Variants in NRDC observed in about 807,000 individuals in gnomAD.
NRDC encodes nardilysin.
NRDC carries 54 observed loss-of-function variants against 147.1 expected under a neutral mutation model. That is an observed-to-expected ratio of 0.37 (90% CI 0.29 to 0.46). The LOEUF is 0.46. NRDC is among the 20% of genes least tolerant of loss of function. NRDC has a pLI of 1.00. For missense variants in NRDC, 1,082 were observed against 1,370.6 expected, an observed-to-expected ratio of 0.79 and a Z score of 3.33; for synonymous variants, 440 against 482.1, an observed-to-expected ratio of 0.91 and a Z score of 1.14.
intron 1 of NRDC, among the ~76,000 whole-genome samples, chr1:51,843,484 C>A (rs1681376092): frequency 6.6e-6 from 1 of 152,116 alleles, no homozygotes; most frequent in Non-Finnish European, 1.5e-5. Context: ...AGTTGCTGCC[C>A]CTACAGACTC....
intron 16 of NRDC, among the ~76,000 whole-genome samples, chr1:51,809,909 A>C (rs1169293833): frequency 6.6e-6 from 1 of 151,946 alleles, no homozygotes; most frequent in Non-Finnish European, 1.5e-5. Context: ...CTGTCTCAAA[A>C]AAAAAAAAGA....
chr1:51,865,310 G>GT (rs200973191), intron 1 of NRDC, among the ~76,000 whole-genome samples: 3,329 of 142,874 alleles, frequency 0.023, 53 homozygotes, highest in African/African-American at 0.041. Context: ...TTTTCGTTTT[G>GT]TTTTTTTTTT....
At chr1:51,796,250 T>A (rs1678901710) in intron 22 of NRDC, among the ~76,000 whole-genome samples, 1 of 151,882 alleles carries the variant, frequency 6.6e-6, no homozygotes, top group Non-Finnish European at 1.5e-5. Context: ...AACTCTTTTT[T>A]TTTTTTGAGA....
chr1:51,856,443 G>A (rs1157606889), intron 1 of NRDC, among the ~76,000 whole-genome samples: 1 of 152,120 alleles, frequency 6.6e-6, no homozygotes, highest in Non-Finnish European at 1.5e-5. Context: ...CTGACTTACC[G>A]GCTTTCAAGT....
chr1:51,836,707 T>C (rs1373769796), intron 2 of NRDC, among the ~76,000 whole-genome samples: 2 of 152,138 alleles, frequency 1.3e-5, no homozygotes, highest in Non-Finnish European at 1.5e-5. Flanking sequence ...TAGAATAAGA[T>C]AACATTTTAG....
At chr1:51,837,738 A>C (rs1262018901) in intron 2 of NRDC, 3 of 713,860 alleles carry the variant, frequency 4.2e-6, no homozygotes, top group Non-Finnish European at 5.9e-6. Flanking sequence ...TGTATATCAT[A>C]TTCAAATTTC....
At chr1:51,845,379 G>C (rs1681502811) in intron 1 of NRDC, among the ~76,000 whole-genome samples, 1 of 152,140 alleles carries the variant, frequency 6.6e-6, no homozygotes, top group Non-Finnish European at 1.5e-5. Flanking sequence ...GATCACTTGA[G>C]GTCGGGAGTT....
rs1254979524 is a variant in NRDC, at chr1:51,828,745, G to A, written c.867-876C>T. ...TTTTTTTTTTTTTTTTGGATATAGT[G>A]TCTCACTCTATCACTCAGGCTAGAA... On this transcript the variant is annotated intron_variant, in intron 4 of 30. Coordinates refer to ENST00000352171, the MANE Select transcript of NRDC (RefSeq NM_001101662.2). Among the ~76,000 whole-genome samples the A allele has an allele frequency of 2.4e-5, 3 of 124,376 alleles. No individual in the cohort carries two copies. In the Admixed American group the frequency reaches 2.9e-4, roughly 12 times the overall value. The allele number at this position is 124,376 out of a possible 152,430, so 81.6% of individuals were successfully genotyped here.
intron 1 of NRDC, among the ~76,000 whole-genome samples, chr1:51,874,549 C>A (rs1415612475): frequency 1.3e-5 from 2 of 151,798 alleles, no homozygotes; most frequent in Non-Finnish European, 2.9e-5. Context: ...GTCGAGGCTG[C>A]AGTGAGCCGT....
intron 9 of NRDC, among the ~76,000 whole-genome samples, chr1:51,818,782 CA>C (rs1318998984): frequency 6.6e-6 from 1 of 151,172 alleles, no homozygotes; most frequent in African/African-American, 2.4e-5. Flanking sequence ...TTAGTAAAAA[CA>C]GAAAAAAAAA....
chr1:51,869,175 CAT>C lies in NRDC; in HGVS notation c.341+9098_341+9099del, dbSNP rs1284628656. On this transcript the variant is annotated intron_variant, in intron 1 of 30. Coordinates refer to ENST00000352171, the MANE Select transcript of NRDC (RefSeq NM_001101662.2). ...TTGTTACCCAGGCTGGCCTCAAACT[CAT>C]GATCTCCAGCGATCCTCCTGCCTTG... Among the ~76,000 whole-genome samples, 6 of 152,214 alleles carry C rather than the reference CAT, an allele frequency of 3.9e-5. No homozygotes were observed. In the East Asian group the frequency reaches 1.2e-3, roughly 29 times the overall value.
At chr1:51,796,718 G>A (rs1231045414) in intron 22 of NRDC, among the ~76,000 whole-genome samples, 2 of 151,522 alleles carry the variant, frequency 1.3e-5, no homozygotes, top group African/African-American at 4.8e-5. Context: ...CTCCCGAGTA[G>A]CTGGAACTAC....
intron 6 of NRDC, among the ~76,000 whole-genome samples, chr1:51,824,006 T>C (rs1249195404): frequency 6.6e-6 from 1 of 152,106 alleles, no homozygotes; most frequent in Non-Finnish European, 1.5e-5. Flanking sequence ...AATTAATCTC[T>C]GGGAAAACCT....
At chr1:51,864,614 T>C (rs868398541) in intron 1 of NRDC, among the ~76,000 whole-genome samples, 18 of 152,186 alleles carry the variant, frequency 1.2e-4, no homozygotes, top group African/African-American at 4.3e-4. Flanking sequence ...TTTAAAAGTA[T>C]GACTGGACAA....
At chr1:51,858,792 C>T (rs1439930432) in intron 1 of NRDC, among the ~76,000 whole-genome samples, 1 of 152,096 alleles carries the variant, frequency 6.6e-6, no homozygotes, top group Non-Finnish European at 1.5e-5. Flanking sequence ...TAAAATATAC[C>T]TTCCTGGCAT....
chr1:51,791,122 GT>G, intron 27 of NRDC, 132 bp from the exon 28 acceptor site: 5 of 653,290 alleles, frequency 7.7e-6, no homozygotes, highest in Non-Finnish European at 1.3e-5. Flanking sequence ...AAGCTAAAGT[GT>G]TTTCCCAGGC....
intron 1 of NRDC, chr1:51,862,103 T>C (rs986813646): frequency 5.3e-5 from 8 of 152,344 alleles, no homozygotes; most frequent in African/African-American, 2.4e-5. Flanking sequence ...TTCATTCAAA[T>C]TGCGTATCTA....
chr1:51,800,791 C>G, intron 20 of NRDC, 108 bp from the exon 21 acceptor site: 1 of 1,071,622 alleles, frequency 9.3e-7, no homozygotes, highest in South Asian at 1.6e-5. Context: ...TGGAACTAGG[C>G]ATTGTGGGGG....
At chr1:51,794,357 C>T (rs937214949) in intron 24 of NRDC, 115 bp downstream of exon 24, 12 of 1,034,116 alleles carry the variant, frequency 1.2e-5, no homozygotes, top group African/African-American at 1.6e-5. Flanking sequence ...TTCAAGAGGA[C>T]AAATGGCCCC....
Sources: gnomAD v4.1 joint callset for allele counts (sites outside exome capture counted in the v4.1 genomes callset) on GRCh38, gnomAD v4.1.1 for gene constraint, MANE v1.5 for transcripts, NCBI Gene and HGNC (gene_info 2026-07-23, HGNC 2026-07-21) for gene names.